The following SLC8A1 variants were observed in gnomAD, a reference collection of about 807,000 sequenced individuals.
SLC8A1 encodes solute carrier family 8 member A1, also known as sodium/calcium exchanger 1.
A neutral mutation model predicts 68.3 loss-of-function variants in SLC8A1; 18 were observed. That is an observed-to-expected ratio of 0.26 (90% confidence interval 0.18 to 0.39). SLC8A1 has a LOEUF of 0.39. Ranked by LOEUF, SLC8A1 falls within the 10% of genes least tolerant of loss-of-function variation. The probability of loss-of-function intolerance (pLI) is 1.00; values close to 1 mark genes in which losing one functional copy is unlikely to be tolerated. For missense variants in SLC8A1, 985 were observed against 1,156.7 expected, an observed-to-expected ratio of 0.85 and a Z score of 2.15; for synonymous variants, 475 against 415.5, an observed-to-expected ratio of 1.14 and a Z score of -1.74.
intron 1 of SLC8A1, among the ~76,000 whole-genome samples, chr2:40,486,627 A>G (rs901611164): frequency 6.6e-6 from 1 of 152,232 alleles, no homozygotes; most frequent in Non-Finnish European, 1.5e-5. Flanking sequence ...AATACAAGTT[A>G]GAAAGAATGG....
chr2:40,231,269 A>G (rs2059610472), intron 2 of SLC8A1, among the ~76,000 whole-genome samples: 1 of 152,204 alleles, frequency 6.6e-6, no homozygotes, highest in Non-Finnish European at 1.5e-5. Context: ...TAATATATGT[A>G]TGCACATATA....
At chr2:40,180,902 T>C (rs1042125952) in intron 2 of SLC8A1, among the ~76,000 whole-genome samples, 12 of 152,220 alleles carry the variant, frequency 7.9e-5, no homozygotes, top group African/African-American at 2.9e-4. Context: ...AAACAACATA[T>C]TGTTTCTAAT....
chr2:40,169,270 C>T (rs548799204), intron 4 of SLC8A1, among the ~76,000 whole-genome samples: 19 of 152,222 alleles, frequency 1.2e-4, no homozygotes, highest in Admixed American at 3.3e-4. Context: ...GTACAAACAA[C>T]GTAGAATTTG....
At chr2:40,410,208 G>C (rs145650186) in intron 2 of SLC8A1, among the ~76,000 whole-genome samples, 101 of 152,038 alleles carry the variant, frequency 6.6e-4, no homozygotes, top group African/African-American at 2.4e-3. Flanking sequence ...ACCCCTCCGA[G>C]GGCAATGAAA....
rs551721846 is a variant in SLC8A1 at position 40,470,601 on chromosome 2, TATA to T, written c.-24-40300_-24-40298del. The stretch of plus-strand genomic sequence containing the variant: ...TAAGAGCAAGTTATAAAACATTACA[TATA>T]ATAAGATCCTATATTTATAAAAAGA... On this transcript the variant is annotated intron_variant, in intron 1 of 7. Coordinates refer to the SLC8A1 transcript ENST00000402441. 3.3e-3 allele frequency among the ~76,000 whole-genome samples: 508 copies of T among 152,002 alleles called. 3 individuals are homozygous for T. Among genetic ancestry groups the T allele is most frequent in the African/African-American group, 0.012 (482 of 41,556 alleles).
chr2:40,511,292 T>A lies in SLC8A1; in HGVS notation c.-25+1057A>T, dbSNP rs151106448. ...TCCCATTATCTTGTGTAAATTTTTT[T>A]AATTCAATCTTGGCAAAACATGCAT... On this transcript the variant is annotated intron_variant, in intron 1 of 7. Transcript: ENST00000402441. Among the ~76,000 whole-genome samples, 686 of 152,342 alleles carry A rather than the reference T, an allele frequency of 4.5e-3. 4 individuals carry two copies. Among genetic ancestry groups the A allele is most frequent in the African/African-American group, 0.016 (656 of 41,590 alleles).
intron 1 of SLC8A1, among the ~76,000 whole-genome samples, chr2:40,468,852 G>A (rs1376791813): frequency 6.6e-6 from 1 of 151,796 alleles, no homozygotes; most frequent in Non-Finnish European, 1.5e-5. Flanking sequence ...GAGGTGGGAG[G>A]GTTGTTTAAT....
chr2:40,404,086 T>C (rs573072464), intron 2 of SLC8A1, among the ~76,000 whole-genome samples: 6 of 152,142 alleles, frequency 3.9e-5, no homozygotes, highest in Non-Finnish European at 8.8e-5. Flanking sequence ...TTAAGACATA[T>C]GGTCTCACTA....
chr2:40,474,757 AG>A (rs1464706868), intron 1 of SLC8A1, among the ~76,000 whole-genome samples: 1 of 152,214 alleles, frequency 6.6e-6, no homozygotes, highest in Non-Finnish European at 1.5e-5. Context: ...GAGTAAATCC[AG>A]GCAGTTTGGT....
intron 1 of SLC8A1, among the ~76,000 whole-genome samples, chr2:40,493,008 G>T (rs893152194): frequency 4.6e-5 from 7 of 152,062 alleles, no homozygotes; most frequent in African/African-American, 1.4e-4. Flanking sequence ...TATACCCAAA[G>T]GACTATAAAT....
chr2:40,187,289 G>C (rs891929499), intron 2 of SLC8A1, among the ~76,000 whole-genome samples: 3 of 152,188 alleles, frequency 2.0e-5, no homozygotes, highest in African/African-American at 4.8e-5. Flanking sequence ...ATGAAGCCTA[G>C]CCTGACAAAC....
At chr2:40,429,497 C>T in exon 2 of SLC8A1, 1 of 1,613,896 alleles carries the variant, frequency 6.2e-7, no homozygotes, top group Non-Finnish European at 8.5e-7. Flanking sequence ...CTCTTGTAGA[C>T]ATACTTGTAA....
chr2:40,107,279 C>CAAAAAAAAAAAAAAAAAAAAAAAAAAAA (rs70957143), exon 8 of SLC8A1: 13 of 64,908 alleles, frequency 2.0e-4, no homozygotes, highest in African/African-American at 8.1e-4. Flanking sequence ...GACTCCGTCT[C>CAAAAAAAAAAAAAAAAAAAAAAAAAAAA]AAAAAAAAAA....
intron 1 of SLC8A1, among the ~76,000 whole-genome samples, chr2:40,473,891 T>A (rs991523989): frequency 6.6e-6 from 1 of 152,232 alleles, no homozygotes; most frequent in Non-Finnish European, 1.5e-5. Context: ...GAAAAATAGA[T>A]TTAGTGATCC....
At chr2:40,289,564 G>A (rs1378558101) in intron 2 of SLC8A1, among the ~76,000 whole-genome samples, 1 of 151,892 alleles carries the variant, frequency 6.6e-6, no homozygotes, top group Non-Finnish European at 1.5e-5. Context: ...AAAAAAAGAG[G>A]AAACAGCCCA....
intron 2 of SLC8A1, among the ~76,000 whole-genome samples, chr2:40,351,201 G>A (rs184379820): frequency 3.9e-5 from 6 of 152,110 alleles, no homozygotes; most frequent in East Asian, 1.9e-4. Flanking sequence ...CTAAGGCAGC[G>A]ACTGAGTGTG....
chr2:40,212,438 C>T (rs566593384), intron 2 of SLC8A1, among the ~76,000 whole-genome samples: 1 of 152,032 alleles, frequency 6.6e-6, no homozygotes, highest in Admixed American at 6.5e-5. Context: ...GTGTATGCCA[C>T]CATACCCAGC....
chr2:40,165,784 A>T (rs2046449054), intron 4 of SLC8A1, among the ~76,000 whole-genome samples: 1 of 152,102 alleles, frequency 6.6e-6, no homozygotes, highest in Non-Finnish European at 1.5e-5. Flanking sequence ...TGGATCCAAG[A>T]GCCCATTAAT....
chr2:40,295,903 C>T (rs1195251993), intron 2 of SLC8A1, among the ~76,000 whole-genome samples: 1 of 151,990 alleles, frequency 6.6e-6, no homozygotes, highest in African/African-American at 2.4e-5. Context: ...AAAGAGCTTG[C>T]CTTTGTGAGC....
Sources: gnomAD v4.1 joint callset for allele counts (sites outside exome capture counted in the v4.1 genomes callset) on GRCh38, gnomAD v4.1.1 for gene constraint, MANE v1.5 for transcripts, NCBI Gene and HGNC (gene_info 2026-07-23, HGNC 2026-07-21) for gene names.